Variants in GOLM1 observed in about 807,000 individuals in gnomAD.
The protein encoded by GOLM1 is golgi membrane protein 1, also known as epididymis luminal protein 46.
In GOLM1, 31 loss-of-function variants were observed where a neutral mutation model predicts 50.5. The observed-to-expected ratio is 0.61, with a 90% CI of 0.46 to 0.83. GOLM1 has a LOEUF of 0.83. Among genes scored for constraint, GOLM1 ranks in the 40% least tolerant of loss-of-function variants. The pLI is 0.00. For synonymous variants in GOLM1, 178 were observed against 192.8 expected (o/e 0.92, Z 0.64); for missense variants, 491 against 501.3 (o/e 0.98, Z 0.20).
chr9:86,083,690 G>A (rs1380459758), intron 1 of GOLM1, among the ~76,000 whole-genome samples: 3 of 152,172 alleles, frequency 2.0e-5, no homozygotes, highest in Non-Finnish European at 2.9e-5. Context: ...GCCCAGCCAG[G>A]CTTAAGTACA....
At position 86,026,534 on chromosome 9, in the gene GOLM1, C is replaced by CTGAAAATAAGA; in HGVS notation, c.*1272_*1282dup. 1 of 897,566 alleles carries CTGAAAATAAGA rather than the reference C, an allele frequency of 1.1e-6. No homozygotes were observed. Among genetic ancestry groups the CTGAAAATAAGA allele is most frequent in the African/African-American group, 1.8e-5 (1 of 55,646 alleles). The allele number at this position is 897,566 out of a possible 1,614,324, so 55.6% of individuals were successfully genotyped here. On this transcript the variant is annotated 3_prime_UTR_variant, in exon 10 of 10. Coordinates refer to ENST00000388712, the MANE Select transcript of GOLM1 (RefSeq NM_016548.4). ...TAACTTCTAGGCCCCATTTTCCCCT[C>CTGAAAATAAGA]TGAAAATAAGAGGGTTGGATCAAAC...
chr9:86,028,246 C>G (rs1474867254), intron 9 of GOLM1, among the ~76,000 whole-genome samples: 1 of 152,216 alleles, frequency 6.6e-6, no homozygotes, highest in African/African-American at 2.4e-5. Context: ...CCTATAAAAA[C>G]CCTGAGACCC....
chr9:86,070,995 T>C (rs1355945329), intron 3 of GOLM1, among the ~76,000 whole-genome samples: 2 of 152,100 alleles, frequency 1.3e-5, no homozygotes, highest in Non-Finnish European at 2.9e-5. Flanking sequence ...TCTCTATATC[T>C]TTCCAGACTC....
intron 3 of GOLM1, among the ~76,000 whole-genome samples, chr9:86,053,555 CTA>C (rs1491485546): frequency 0.071 from 46 of 646 alleles, no homozygotes; most frequent in East Asian, 0.23. Context: ...CAAACACACA[CTA>C]CACACACACA....
At chr9:86,079,054 C>T in intron 2 of GOLM1, 138 bp downstream of exon 2, 1 of 724,260 alleles carries the variant, frequency 1.4e-6, no homozygotes, top group Non-Finnish European at 2.1e-6. Context: ...GTGCAGAGCC[C>T]TAAACTCACC....
intron 1 of GOLM1, among the ~76,000 whole-genome samples, chr9:86,087,665 G>C (rs931891468): frequency 3.3e-5 from 5 of 152,108 alleles, no homozygotes; most frequent in African/African-American, 1.2e-4. Context: ...TGTGGAATTT[G>C]ATCGAAGGCC....
chr9:86,067,288 C>A (rs912657768), intron 3 of GOLM1, among the ~76,000 whole-genome samples: 5 of 152,222 alleles, frequency 3.3e-5, no homozygotes, highest in African/African-American at 1.2e-4. Flanking sequence ...CCACTCTGTG[C>A]CCTCCTTAGG....
intron 1 of GOLM1, among the ~76,000 whole-genome samples, chr9:86,094,491 T>C (rs1237391881): frequency 6.6e-6 from 1 of 152,210 alleles, no homozygotes; most frequent in East Asian, 1.9e-4. Context: ...AAGCTGACAG[T>C]GTCTAAAGAT....
At chr9:86,062,782 A>G (rs1834199607) in intron 3 of GOLM1, among the ~76,000 whole-genome samples, 1 of 152,102 alleles carries the variant, frequency 6.6e-6, no homozygotes, top group Non-Finnish European at 1.5e-5. Flanking sequence ...CTTTGGTAGC[A>G]GCCTGCCCCT....
At chr9:86,079,533 A>G (rs1834724768) in intron 1 of GOLM1, 192 bp from the exon 2 acceptor site, 1 of 416,156 alleles carries the variant, frequency 2.4e-6, no homozygotes, top group Non-Finnish European at 4.2e-6. Flanking sequence ...GGTGCTGTGA[A>G]CCCAGGGCAG....
intron 1 of GOLM1, among the ~76,000 whole-genome samples, chr9:86,086,010 A>G (rs1012870811): frequency 6.6e-6 from 1 of 152,154 alleles, no homozygotes; most frequent in African/African-American, 2.4e-5. Flanking sequence ...TGCTGGGTCA[A>G]ATGGTATTTC....
chr9:86,054,506 G>C (rs549059857), intron 3 of GOLM1, among the ~76,000 whole-genome samples: 56 of 152,296 alleles, frequency 3.7e-4, no homozygotes, highest in African/African-American at 1.3e-3. Flanking sequence ...TTACAGGCGT[G>C]AGCCACTGCG....
chr9:86,041,890 G>A lies in GOLM1; in HGVS notation c.468-1022C>T, dbSNP rs560644869. On this transcript the variant is annotated intron_variant, in intron 5 of 9. Transcript: ENST00000388712. ...TCCCAGCACTTTGGGAGGCTGAGGC[G>A]GTGGATCACGAGGTCAGGAGATGGA... Among the ~76,000 whole-genome samples, 37 of 152,252 alleles carry A rather than the reference G, an allele frequency of 2.4e-4. No homozygotes were observed. The South Asian group carries it at 6.4e-3, about 26-fold the overall frequency.
intron 5 of GOLM1, among the ~76,000 whole-genome samples, chr9:86,045,687 AAAGT>A (rs1202974566): frequency 6.6e-6 from 1 of 151,058 alleles, no homozygotes; most frequent in African/African-American, 2.5e-5. Context: ...AAAAAAAAAA[AAAGT>A]ATATACACAC....
chr9:86,035,216 A>T (rs1376518976), intron 8 of GOLM1, 152 bp downstream of exon 8: 1 of 1,513,180 alleles, frequency 6.6e-7, no homozygotes, highest in Non-Finnish European at 8.8e-7. Context: ...TTGATAACGA[A>T]TAAGAAACCT....
chr9:86,066,097 C>T (rs1834299450), intron 3 of GOLM1, among the ~76,000 whole-genome samples: 1 of 152,138 alleles, frequency 6.6e-6, no homozygotes, highest in Admixed American at 6.5e-5. Flanking sequence ...TCAAGTAGGA[C>T]CAATGACCAG....
rs1050795124 is a variant in GOLM1, at chr9:86,027,515, G to A, written c.*302C>T. 1.5e-5 allele frequency: 17 copies of A among 1,167,952 alleles called. No homozygotes were observed. Among genetic ancestry groups the A allele is most frequent in the South Asian group, 2.6e-5 (1 of 38,740 alleles). The allele number at this position is 1,167,952 out of a possible 1,614,324, so 72.3% of individuals were successfully genotyped here. A position where few individuals can be genotyped will look rare whatever the true frequency, so the allele number is the denominator to read the frequency against. On this transcript the variant is annotated 3_prime_UTR_variant, in exon 10 of 10. Coordinates refer to ENST00000388712, the MANE Select transcript of GOLM1 (RefSeq NM_016548.4). ...CAAAGTTATATTCCAGAATCAGGAAGCCCCGCTGTCGCCAACACTTGAAGG... is the reference window on the plus strand; with the variant it reads ...CAAAGTTATATTCCAGAATCAGGAAACCCCGCTGTCGCCAACACTTGAAGG...
rs781380613 is a variant in GOLM1 at position 86,036,316 on chromosome 9, TG to T, written c.757+31del. 2.5e-6 allele frequency: 4 copies of T among 1,612,856 alleles called. No homozygotes were observed. The South Asian group carries it at 3.3e-5, about 13-fold the overall frequency. ...TTCCTCTGATGGGGCTCTGGAGAGC[TG>T]GGAACAGGGCAACTGCTGGGCTCTG... is the stretch of plus-strand genomic sequence containing the variant. On this transcript the variant is annotated intron_variant, in intron 7 of 9. Transcript: ENST00000388712.
At chr9:86,048,563 A>T (rs1371302738) in intron 4 of GOLM1, among the ~76,000 whole-genome samples, 1 of 152,184 alleles carries the variant, frequency 6.6e-6, no homozygotes, top group African/African-American at 2.4e-5. Flanking sequence ...AATGATCGTC[A>T]TTCTAAACTG....
Sources: gnomAD v4.1 joint callset for allele counts (sites outside exome capture counted in the v4.1 genomes callset) on GRCh38, gnomAD v4.1.1 for gene constraint, MANE v1.5 for transcripts, NCBI Gene and HGNC (gene_info 2026-07-23, HGNC 2026-07-21) for gene names.